The following ENTPD5 variants were observed in gnomAD, a reference collection of about 807,000 sequenced individuals.
ENTPD5 encodes ectonucleoside triphosphate diphosphohydrolase 5 (inactive).
A neutral mutation model predicts 60.2 loss-of-function variants in ENTPD5; 49 were observed. That is an observed-to-expected ratio of 0.81 (90% CI 0.65 to 1.03). The LOEUF is 1.03. Among genes scored for constraint, ENTPD5 ranks in the 50% least tolerant of loss-of-function variants. ENTPD5 has a pLI of 0.00. For missense variants in ENTPD5, 480 were observed against 507.6 expected (o/e 0.95, Z 0.52); for synonymous variants, 187 against 185.4 (o/e 1.01, Z -0.07).
chr14:74,012,397 G>A (rs995108115), intron 2 of ENTPD5, among the ~76,000 whole-genome samples: 2 of 152,072 alleles, frequency 1.3e-5, no homozygotes, highest in Admixed American at 6.6e-5. Flanking sequence ...ATGAGCCACC[G>A]GTCCCAGCTG....
chr14:74,009,940 C>T (rs1258032400), intron 3 of ENTPD5, among the ~76,000 whole-genome samples: 1 of 152,078 alleles, frequency 6.6e-6, no homozygotes, highest in African/African-American at 2.4e-5. Context: ...TACAGGTGCC[C>T]GCCACCACGC....
At chr14:74,005,244 C>T (rs1254017157) in intron 3 of ENTPD5, among the ~76,000 whole-genome samples, 5 of 110,906 alleles carry the variant, frequency 4.5e-5, no homozygotes, top group African/African-American at 1.4e-4. Flanking sequence ...CCAGCCTGGG[C>T]GATAGGGTGA....
At chr14:73,982,476 G>T (rs963402012) in intron 6 of ENTPD5, among the ~76,000 whole-genome samples, 2 of 152,114 alleles carry the variant, frequency 1.3e-5, no homozygotes, top group African/African-American at 4.8e-5. Context: ...AAGAATATCA[G>T]CCAGGTGCAG....
intron 14 of ENTPD5, among the ~76,000 whole-genome samples, chr14:73,971,136 T>G (rs560545109): frequency 6.6e-6 from 1 of 150,676 alleles, no homozygotes; most frequent in Admixed American, 6.7e-5. Flanking sequence ...GTCTTCACCA[T>G]TTCCCTAAAG....
In ENTPD5 at chr14:73,997,368, T is replaced by C. The variant is rs145186862; in HGVS notation, c.-70-9196A>G. ...AAATATCATTATTGATTGACTTGGA[T>C]AAAATAATACAGTATCTCACAACAG... On this transcript the variant is annotated intron_variant, in intron 3 of 15. Transcript: ENST00000334696. Among the ~76,000 whole-genome samples, 89 of 152,240 alleles carry C rather than the reference T, an allele frequency of 5.8e-4. 2 individuals are homozygous for C. The East Asian group carries it at 0.016, about 28-fold the overall frequency.
intron 3 of ENTPD5, chr14:74,007,660 A>G (rs1372942627): frequency 6.6e-6 from 1 of 151,864 alleles, no homozygotes; most frequent in Non-Finnish European, 1.5e-5. Flanking sequence ...GGTTTATTTA[A>G]AAGTCAGCTT....
At chr14:73,968,629 T>C (rs2057086931) in intron 15 of ENTPD5, among the ~76,000 whole-genome samples, 1 of 152,042 alleles carries the variant, frequency 6.6e-6, no homozygotes, top group Non-Finnish European at 1.5e-5. Context: ...TTTCACCATG[T>C]TGGCTAGGCT....
chr14:73,983,063 T>C lies in ENTPD5; in HGVS notation c.396A>G (p.Gly132=). The change falls in exon 6 of 16, where the codon GGA becomes GGG. Residue 132 remains glycine, a synonymous_variant. Transcript: ENST00000334696. ...CTTTGTGTTCTGGCAGTAAGCGTAG[T>C]CCTGCTGTTGCCTTTAGGACCACTG... ...KTPVVLKATA[G]LRLLPEHKAK... 2 of 1,614,200 alleles carry C rather than the reference T, an allele frequency of 1.2e-6. No homozygotes were observed. The highest frequency in any genetic ancestry group is 2.2e-5 in the East Asian group (1 of 44,888).
intron 11 of ENTPD5, 23 bp from the exon 12 acceptor site, chr14:73,974,001 G>A: frequency 6.2e-7 from 1 of 1,602,108 alleles, no homozygotes. Context: ...AGGGCACAAG[G>A]TAAGAGGTAA....
chr14:73,979,165 C>T (rs1261610312), intron 6 of ENTPD5, among the ~76,000 whole-genome samples: 3 of 152,140 alleles, frequency 2.0e-5, no homozygotes, highest in Admixed American at 1.3e-4. Flanking sequence ...TAACTTGCTT[C>T]TTCATCCCCC....
At chr14:73,961,725 T>A, downstream of ENTPD5, 1 of 1,614,148 alleles carries the variant, frequency 6.2e-7, no homozygotes, top group Non-Finnish European at 8.5e-7. Flanking sequence ...TAATCTTTCC[T>A]CTGCCCTTCA....
At chr14:74,010,487 G>A (rs1555367592) in intron 3 of ENTPD5, among the ~76,000 whole-genome samples, 1 of 152,004 alleles carries the variant, frequency 6.6e-6, no homozygotes, top group Non-Finnish European at 1.5e-5. Flanking sequence ...CCAGGAGGCA[G>A]AGGTTGCAGT....
At chr14:73,973,752 G>A in intron 12 of ENTPD5, 125 bp downstream of exon 12, 3 of 764,550 alleles carry the variant, frequency 3.9e-6, no homozygotes. Flanking sequence ...GGCATGCCAA[G>A]ATCTTTGGAA....
intron 2 of ENTPD5, among the ~76,000 whole-genome samples, chr14:74,014,055 G>A (rs1490056856): frequency 6.6e-6 from 1 of 152,104 alleles, no homozygotes; most frequent in Non-Finnish European, 1.5e-5. Context: ...GTCCAGGTAA[G>A]TTTTCTTAGA....
chr14:73,990,924 G>A (rs773388422), intron 3 of ENTPD5, among the ~76,000 whole-genome samples: 3 of 152,072 alleles, frequency 2.0e-5, no homozygotes, highest in Non-Finnish European at 4.4e-5. Flanking sequence ...AGCTACTCAG[G>A]AGGTTGAGAC....
intron 3 of ENTPD5, among the ~76,000 whole-genome samples, chr14:74,001,447 A>G (rs1215755948): frequency 6.6e-6 from 1 of 151,628 alleles, no homozygotes; most frequent in Non-Finnish European, 1.5e-5. Flanking sequence ...GCTTGCAGTG[A>G]GCCGAGATTG....
intron 3 of ENTPD5, among the ~76,000 whole-genome samples, chr14:73,993,147 G>A (rs938185070): frequency 1.3e-5 from 2 of 152,098 alleles, no homozygotes; most frequent in Non-Finnish European, 2.9e-5. Context: ...GACCAGCTTG[G>A]GCAACATGAT....
At chr14:73,983,300 G>A in intron 5 of ENTPD5, 139 bp from the exon 6 acceptor site, 1 of 852,552 alleles carries the variant, frequency 1.2e-6, no homozygotes, top group Non-Finnish European at 1.7e-6. Context: ...TGTAGCAGGA[G>A]AAACCTAGAG....
chr14:73,978,283 C>T (rs113694079), intron 6 of ENTPD5, among the ~76,000 whole-genome samples: 8 of 152,028 alleles, frequency 5.3e-5, no homozygotes, highest in African/African-American at 1.9e-4. Flanking sequence ...AAATGGACGT[C>T]AAATCATGTG....
Sources: gnomAD v4.1 joint callset for allele counts (sites outside exome capture counted in the v4.1 genomes callset) on GRCh38, gnomAD v4.1.1 for gene constraint, MANE v1.5 for transcripts, NCBI Gene and HGNC (gene_info 2026-07-23, HGNC 2026-07-21) for gene names.